Variants in SLC25A3 observed in about 807,000 individuals in gnomAD.
SLC25A3 encodes the protein phosphate transport protein.
A neutral mutation model predicts 37.1 loss-of-function variants in SLC25A3; 14 were observed. The ratio of observed to expected loss-of-function variants is 0.38; its 90% CI spans 0.25 to 0.59. The LOEUF (loss-of-function observed/expected upper bound fraction) is 0.59, where lower values mean the gene tolerates loss of function less well. Ranked by LOEUF, SLC25A3 falls within the 20% of genes least tolerant of loss-of-function variation. SLC25A3 has a pLI of 0.67. For missense variants in SLC25A3, 385 were observed against 458.1 expected, an observed-to-expected ratio of 0.84 and a Z score of 1.46; for synonymous variants, 161 against 168.7, an observed-to-expected ratio of 0.95 and a Z score of 0.36.
chr12:98,599,056 C>T (rs1289356404), intron 5 of SLC25A3, among the ~76,000 whole-genome samples: 23 of 147,072 alleles, frequency 1.6e-4, no homozygotes, highest in African/African-American at 3.8e-4. Flanking sequence ...CCACCGCACC[C>T]GGCTTCTTTT....
rs2097599311 is a variant in SLC25A3, at chr12:98,603,406, C to T, written c.*1878C>T. The stretch of plus-strand genomic sequence containing the variant: ...TTTTAGGACTTATCCTTCAATGTCA[C>T]ATAACATCACTTTTACCATGCTCTT... On this transcript the variant is annotated 3_prime_UTR_variant, in exon 8 of 8. Transcript: ENST00000552981. The T allele has an allele frequency of 6.6e-6, 1 of 152,188 alleles. No homozygotes were observed. Among genetic ancestry groups the T allele is most frequent in the African/African-American group, 2.4e-5 (1 of 41,458 alleles). 9.4% of individuals were successfully genotyped at this position (152,188 alleles called of 1,614,324 possible).
Position 98,601,760 on chromosome 12 carries a change from A to G in SLC25A3, c.*232A>G. 1 of 522,152 alleles carries G rather than the reference A, an allele frequency of 1.9e-6. No homozygotes were observed. Among genetic ancestry groups the G allele is most frequent in the Non-Finnish European group, 3.4e-6 (1 of 291,838 alleles). The allele number at this position is 522,152 out of a possible 1,614,324, so 32.3% of individuals were successfully genotyped here. On this transcript the variant is annotated 3_prime_UTR_variant, in exon 8 of 8. Coordinates refer to ENST00000552981, the MANE Select transcript of SLC25A3 (RefSeq NM_002635.4). ...TTTTTAAAAAAGATTTAGCTTTAAA[A>G]TAGTTGGAAAGAATGAAGTATATAA...
chr12:98,601,418 G>A lies in SLC25A3; in HGVS notation c.976G>A (p.Ala326Thr). The change falls in exon 8 of 8, where the codon GCA (alanine) becomes ACA (threonine). Residue 326 changes from alanine (A) to threonine (T), a missense_variant. Coordinates refer to ENST00000552981, the MANE Select transcript of SLC25A3 (RefSeq NM_002635.4). ...ARIIMIGTLT[A>T]LQWFIYDSVK... Reference sequence around the variant, plus strand: ...TATCATCATGATTGGTACCCTGACTGCACTACAGTGGTTTATCTATGACTC... The same window carrying A: ...TATCATCATGATTGGTACCCTGACTACACTACAGTGGTTTATCTATGACTC... The A allele has an allele frequency of 6.2e-7, 1 of 1,613,734 alleles. No individual in the cohort carries two copies. Among genetic ancestry groups the A allele is most frequent in the Non-Finnish European group, 8.5e-7 (1 of 1,179,692 alleles).
Position 98,597,907 on chromosome 12 carries a change from A to G in SLC25A3, c.331A>G (p.Lys111Glu). 6.2e-7 allele frequency: 1 copy of G among 1,614,114 alleles called. No individual in the cohort carries two copies. Among genetic ancestry groups the G allele is most frequent in the South Asian group, 1.1e-5 (1 of 91,078 alleles). Residue 111 changes from lysine (K) to glutamate (E), a missense_variant, in exon 4 of 8, where the codon AAA becomes GAA. Transcript: ENST00000552981. ...GIFNGFSVTL[K>E]EDGVRGLAKG... Reference sequence around the variant, plus strand: ...ATTTAACGGATTCTCAGTTACACTTAAAGAGGATGGTGTTCGTGGTTTGGC... The same window carrying G: ...ATTTAACGGATTCTCAGTTACACTTGAAGAGGATGGTGTTCGTGGTTTGGC...
rs746538087 is a variant in SLC25A3, at chr12:98,598,065, C to G, written c.459+30C>G. ...GTAATTAACTTTAAAATTGAATGTT[C>G]CGAGTGTTTAAGACTTTCCGAGTGT... is the stretch of plus-strand genomic sequence containing the variant. On this transcript the variant is annotated intron_variant, in intron 4 of 7. Coordinates refer to ENST00000552981, the MANE Select transcript of SLC25A3 (RefSeq NM_002635.4). 5 of 1,274,280 alleles carry G rather than the reference C, an allele frequency of 3.9e-6. No homozygotes were observed. The East Asian group carries it at 8.9e-5, about 23-fold the overall frequency. The allele number at this position is 1,274,280 out of a possible 1,614,324, so 78.9% of individuals were successfully genotyped here.
chr12:98,601,554 A>T lies in SLC25A3; in HGVS notation c.*26A>T, dbSNP rs1164027227. The T allele has an allele frequency of 2.1e-6, 3 of 1,433,648 alleles. No homozygotes were observed. The Admixed American group carries it at 5.0e-5, about 24-fold the overall frequency. The allele number at this position is 1,433,648 out of a possible 1,614,324, so 88.8% of individuals were successfully genotyped here. ...TTAGATCAAAGCAAATGTGGACTGAATCTGCTTGTTGATCAGTGTTGAAGA... is the reference window on the plus strand; with the variant it reads ...TTAGATCAAAGCAAATGTGGACTGATTCTGCTTGTTGATCAGTGTTGAAGA... On this transcript the variant is annotated 3_prime_UTR_variant, in exon 8 of 8. Coordinates refer to ENST00000552981, the MANE Select transcript of SLC25A3 (RefSeq NM_002635.4).
At chr12:98,594,680 A>G in intron 2 of SLC25A3, 1 of 324,522 alleles carries the variant, frequency 3.1e-6, no homozygotes, top group Non-Finnish European at 5.9e-6. Context: ...AAAGGAGATA[A>G]TTGGTGGGCG....
Position 98,601,704 on chromosome 12 carries a change from C to A in SLC25A3, c.*176C>A. ...TACTGTTGAAATAAACCCAACTCTT[C>A]ATGATTTGCCTGTGACTTATTTTTA... On this transcript the variant is annotated 3_prime_UTR_variant, in exon 8 of 8. Transcript: ENST00000552981. The A allele has an allele frequency of 4.9e-6, 3 of 614,448 alleles. No homozygotes were observed. The highest frequency in any genetic ancestry group is 8.7e-6 in the Non-Finnish European group (3 of 346,260). 38.1% of individuals were successfully genotyped at this position (614,448 alleles called of 1,614,324 possible).
In SLC25A3 at chr12:98,603,850, A is replaced by T. The variant is rs140722153; in HGVS notation, c.*2322A>T. Reference sequence around the variant, plus strand: ...TCATTTCAGGTTTTTAAATTATACTAAAAGATTCTAGTAAGAAAATTTTAA... The same window carrying T: ...TCATTTCAGGTTTTTAAATTATACTTAAAGATTCTAGTAAGAAAATTTTAA... On this transcript the variant is annotated 3_prime_UTR_variant, in exon 8 of 8. Coordinates refer to ENST00000552981, the MANE Select transcript of SLC25A3 (RefSeq NM_002635.4). The T allele has an allele frequency of 3.3e-5, 5 of 152,174 alleles. No homozygotes were observed. Among genetic ancestry groups the T allele is most frequent in the Admixed American group, 6.5e-5 (1 of 15,278 alleles). 9.4% of individuals were successfully genotyped at this position (152,174 alleles called of 1,614,324 possible).
chr12:98,597,660 G>A, intron 3 of SLC25A3, 196 bp from the exon 4 acceptor site: 1 of 639,606 alleles, frequency 1.6e-6, no homozygotes, highest in Non-Finnish European at 2.6e-6. Context: ...CTGAGCTCAG[G>A]TAATCCACCT....
In SLC25A3 at chr12:98,601,635, T is replaced by C; in HGVS notation, c.*107T>C. On this transcript the variant is annotated 3_prime_UTR_variant, in exon 8 of 8. Coordinates refer to ENST00000552981, the MANE Select transcript of SLC25A3 (RefSeq NM_002635.4). ...AGTGTAGGAAATTGTCTATTCCTGA[T>C]ATAATTACTGTAGTACTCTTGCTTA... 1 of 766,968 alleles carries C rather than the reference T, an allele frequency of 1.3e-6. No individual in the cohort carries two copies. Among genetic ancestry groups the C allele is most frequent in the Non-Finnish European group, 2.3e-6 (1 of 434,430 alleles). 47.5% of individuals were successfully genotyped at this position (766,968 alleles called of 1,614,324 possible). A position where few individuals can be genotyped will look rare whatever the true frequency, so the allele number is the denominator to read the frequency against.
chr12:98,598,392 A>G, intron 4 of SLC25A3, 130 bp from the exon 5 acceptor site: 4 of 1,395,096 alleles, frequency 2.9e-6, no homozygotes, highest in South Asian at 1.2e-5. Context: ...ATGAGACCAC[A>G]TATATATTCC....
At chr12:98,595,958 A>G (rs1424471439) in intron 3 of SLC25A3, 110 bp downstream of exon 3, 2 of 968,372 alleles carry the variant, frequency 2.1e-6, no homozygotes, top group Admixed American at 3.6e-5. Flanking sequence ...TTCAGTAGGA[A>G]ACCACATAGA....
At chr12:98,598,807 G>A (rs1226707644) in intron 5 of SLC25A3, 104 bp downstream of exon 5, 7 of 1,111,544 alleles carry the variant, frequency 6.3e-6, no homozygotes, top group Admixed American at 2.2e-5. Flanking sequence ...ACAAAGTCTC[G>A]CTCTGTCACC....
At chr12:98,594,975 T>G in intron 2 of SLC25A3, 2 of 198,442 alleles carry the variant, frequency 1.0e-5, no homozygotes, top group South Asian at 1.7e-4. Flanking sequence ...GTATTAAATG[T>G]ATTTGACTGC....
Position 98,601,670 on chromosome 12 carries a change from T to G in SLC25A3, c.*142T>G. On this transcript the variant is annotated 3_prime_UTR_variant, in exon 8 of 8. Coordinates refer to ENST00000552981, the MANE Select transcript of SLC25A3 (RefSeq NM_002635.4). ...GTAGTACTCTTGCTTAAGGCAAGAG[T>G]TTCAGATTTACTGTTGAAATAAACC... The G allele has an allele frequency of 1.5e-6, 1 of 670,090 alleles. No homozygotes were observed. 41.5% of individuals were successfully genotyped at this position (670,090 alleles called of 1,614,324 possible).
chr12:98,597,900 T>G lies in SLC25A3; in HGVS notation c.324T>G (p.Val108=). ...AGGGCATATTTAACGGATTCTCAGT[T>G]ACACTTAAAGAGGATGGTGTTCGTG... ...KYKGIFNGFS[V]TLKEDGVRGL... is the part of the protein sequence containing the mutation. The change falls in exon 4 of 8, where the codon GTT becomes GTG. Residue 108 remains valine, a synonymous_variant. Coordinates refer to ENST00000552981, the MANE Select transcript of SLC25A3 (RefSeq NM_002635.4). The G allele has an allele frequency of 6.2e-7, 1 of 1,614,190 alleles. No homozygotes were observed.
In SLC25A3 at chr12:98,601,730, A is replaced by G. The variant is rs188306120; in HGVS notation, c.*202A>G. On this transcript the variant is annotated 3_prime_UTR_variant, in exon 8 of 8. Transcript: ENST00000552981. Reference sequence around the variant, plus strand: ...ATGATTTGCCTGTGACTTATTTTTAAAACTTTTTTAAAAAAGATTTAGCTT... The same window carrying G: ...ATGATTTGCCTGTGACTTATTTTTAGAACTTTTTTAAAAAAGATTTAGCTT... 5.4e-4 allele frequency: 307 copies of G among 573,370 alleles called. 2 individuals are homozygous for G. The highest frequency in any genetic ancestry group is 4.5e-3 in the African/African-American group (240 of 53,480). The allele number at this position is 573,370 out of a possible 1,614,324, so 35.5% of individuals were successfully genotyped here. A position where few individuals can be genotyped will look rare whatever the true frequency, so the allele number is the denominator to read the frequency against.
In SLC25A3 at chr12:98,597,922, C is replaced by T. The variant is rs771691279; in HGVS notation, c.346C>T (p.Arg116Cys). 9.9e-6 allele frequency: 16 copies of T among 1,613,858 alleles called. No homozygotes were observed. The highest frequency in any genetic ancestry group is 4.5e-5 in the East Asian group (2 of 44,892). ...FSVTLKEDGV[R>C]GLAKGWAPTF... is the part of the protein sequence containing the mutation. The stretch of plus-strand genomic sequence containing the variant: ...AGTTACACTTAAAGAGGATGGTGTT[C>T]GTGGTTTGGCTAAAGGATGGGCTCC... Residue 116 changes from arginine (R) to cysteine (C), a missense_variant, in exon 4 of 8, where the codon CGT becomes TGT. By Grantham distance (180) the Arg-to-Cys change is radical. This residue lies in a region of SLC25A3 where 276 missense variants were observed against 367.6 expected (regional missense o/e 0.75). Coordinates refer to ENST00000552981, the MANE Select transcript of SLC25A3 (RefSeq NM_002635.4).
Sources: allele counts gnomAD v4.1 joint callset (sites outside exome capture counted in the v4.1 genomes callset), GRCh38; gene constraint gnomAD v4.1.1; regional missense constraint gnomAD v4.1.1; transcripts MANE v1.5; gene names NCBI Gene and HGNC (gene_info 2026-07-23, HGNC 2026-07-21).